COL6A6: variants seen among roughly 807,000 people sequenced by gnomAD.
COL6A6 encodes collagen type VI alpha 6 chain.
In COL6A6, 183 loss-of-function variants were observed where a neutral mutation model predicts 208.6. The observed-to-expected ratio is 0.88, with a 90% CI of 0.78 to 0.99. The LOEUF is 0.99. Ranked by LOEUF, COL6A6 falls within the 50% of genes least tolerant of loss-of-function variation. The probability of loss-of-function intolerance (pLI) is 0.00; values close to 1 mark genes in which losing one functional copy is unlikely to be tolerated. For synonymous variants in COL6A6, 973 were observed against 1,011.8 expected, an observed-to-expected ratio of 0.96 and a Z score of 0.73; for missense variants, 2,816 against 2,815.2, an observed-to-expected ratio of 1.00 and a Z score of -0.01.
chr3:130,581,931 G>T, intron 9 of COL6A6, 27 bp downstream of exon 9: 1 of 1,594,680 alleles, frequency 6.3e-7, no homozygotes, highest in Non-Finnish European at 8.6e-7. Context: ...TTATTTGTTG[G>T]TCTATGATTG....
At chr3:130,613,393 C>T (rs1166224582) in intron 23 of COL6A6, among the ~76,000 whole-genome samples, 1 of 152,150 alleles carries the variant, frequency 6.6e-6, no homozygotes, top group African/African-American at 2.4e-5. Flanking sequence ...TATGCCAGTA[C>T]CATGCTGTTT....
chr3:130,586,470 C>A, intron 10 of COL6A6, 36 bp from the exon 11 acceptor site: 3 of 1,567,748 alleles, frequency 1.9e-6, no homozygotes, highest in African/African-American at 1.4e-5. Context: ...TAACCAAACC[C>A]ACCTCACCTG....
At chr3:130,633,920 G>C (rs2065017751) in intron 26 of COL6A6, among the ~76,000 whole-genome samples, 1 of 37,614 alleles carries the variant, frequency 2.7e-5, no homozygotes, top group Non-Finnish European at 3.7e-5. Flanking sequence ...GGGGAGGGGG[G>C]AGGGATAGCA....
chr3:130,556,253 T>C (rs980844225), intron 1 of COL6A6, among the ~76,000 whole-genome samples: 1 of 152,244 alleles, frequency 6.6e-6, no homozygotes, highest in Non-Finnish European at 1.5e-5. Flanking sequence ...ATGTCTTGTT[T>C]AGGATTTTTT....
intron 29 of COL6A6, 108 bp from the exon 30 acceptor site, chr3:130,642,724 G>C: frequency 1.1e-6 from 1 of 938,036 alleles, no homozygotes; most frequent in Non-Finnish European, 1.6e-6. Flanking sequence ...AATTTAATGA[G>C]AATAAAACTT....
At chr3:130,559,612 C>A (rs557139476) in intron 1 of COL6A6, among the ~76,000 whole-genome samples, 2 of 152,290 alleles carry the variant, frequency 1.3e-5, no homozygotes, top group East Asian at 1.9e-4. Flanking sequence ...ATAAGCCCAA[C>A]CTGCTTCATT....
intron 36 of COL6A6, 82 bp from the exon 37 acceptor site, chr3:130,675,120 A>G: frequency 3.3e-6 from 3 of 900,536 alleles, no homozygotes; most frequent in Non-Finnish European, 4.7e-6. Flanking sequence ...TGAAACAATT[A>G]ATTTACTATG....
intron 20 of COL6A6, among the ~76,000 whole-genome samples, chr3:130,600,900 A>G (rs962691937): frequency 7.2e-5 from 11 of 152,238 alleles, no homozygotes; most frequent in Non-Finnish European, 1.2e-4. Flanking sequence ...GGAAAAAAAA[A>G]GGGGGAAAGA....
chr3:130,533,879 G>A (rs2062163823), intron 1 of COL6A6, among the ~76,000 whole-genome samples: 1 of 152,144 alleles, frequency 6.6e-6, no homozygotes, highest in Non-Finnish European at 1.5e-5. Flanking sequence ...TCCTCTTCAA[G>A]GCATGTAGAT....
intron 35 of COL6A6, among the ~76,000 whole-genome samples, 200 bp downstream of exon 35, chr3:130,662,508 AT>A (rs146981165): frequency 1.9e-4 from 28 of 149,310 alleles, no homozygotes; most frequent in Admixed American, 6.7e-4. Flanking sequence ...TTTCTGGCTT[AT>A]TTTTTTTTTA....
chr3:130,559,807 A>G (rs1050858367), intron 1 of COL6A6, among the ~76,000 whole-genome samples: 1 of 152,186 alleles, frequency 6.6e-6, no homozygotes, highest in African/African-American at 2.4e-5. Flanking sequence ...ATTATATGGA[A>G]TATGGAAAAT....
intron 6 of COL6A6, among the ~76,000 whole-genome samples, chr3:130,569,795 C>A (rs1268506320): frequency 1.3e-5 from 2 of 152,170 alleles, no homozygotes; most frequent in African/African-American, 4.8e-5. Flanking sequence ...GTACAGCCAG[C>A]CTTTCTTGGG....
rs533799270 is a variant in COL6A6, at chr3:130,534,862, T to C, written c.-32+17465T>C. On this transcript the variant is annotated intron_variant, in intron 1 of 36. Coordinates refer to ENST00000358511, the MANE Select transcript of COL6A6 (RefSeq NM_001102608.3). ...AAATCTAGAAGTAGATTTTTTTCTGTTAATGTTTTATTTCACTCTCATTTT... is the reference window on the plus strand; with the variant it reads ...AAATCTAGAAGTAGATTTTTTTCTGCTAATGTTTTATTTCACTCTCATTTT... 6.6e-5 allele frequency among the ~76,000 whole-genome samples: 10 copies of C among 152,304 alleles called. No homozygotes were observed. In the East Asian group the frequency reaches 1.9e-3, roughly 29 times the overall value.
At chr3:130,555,211 C>T (rs1472566724) in intron 1 of COL6A6, among the ~76,000 whole-genome samples, 3 of 152,158 alleles carry the variant, frequency 2.0e-5, no homozygotes, top group Admixed American at 6.5e-5. Flanking sequence ...TTTCCAGTGT[C>T]GATTTTGGGG....
In COL6A6 at chr3:130,581,896, C is replaced by T. The variant is rs200960657; in HGVS notation, c.3883C>T (p.Arg1295Ter). 1,411 of 1,603,576 alleles carry T rather than the reference C, an allele frequency of 8.8e-4. 1 individual carries two copies. The highest frequency in any genetic ancestry group is 1.1e-3 in the Non-Finnish European group (1,316 of 1,173,372). Residue 1295 changes from arginine (R) to a stop codon, truncating the protein, a stop_gained, in exon 9 of 37, where the codon CGA becomes TGA. Coordinates refer to ENST00000358511, the MANE Select transcript of COL6A6 (RefSeq NM_001102608.3). LOFTEE classifies it high-confidence loss of function. The part of the protein sequence containing the change: ...WDTFQNKSAA[R>*]GKVVLLFSDG... The stretch of plus-strand genomic sequence containing the variant: ...TACATTTCAGAATAAATCAGCTGCT[C>T]GAGGAAAGGTAACATGGATTTATCT...
At chr3:130,535,781 C>T (rs937910) in intron 1 of COL6A6, among the ~76,000 whole-genome samples, 118,151 of 152,110 alleles carry the variant, frequency 0.78, 47,095 homozygotes, top group Non-Finnish European at 0.87. Flanking sequence ...TACTCTTCAC[C>T]AGACTTCTAA....
At chr3:130,609,459 G>A (rs1042407693) in intron 22 of COL6A6, among the ~76,000 whole-genome samples, 3 of 152,112 alleles carry the variant, frequency 2.0e-5, no homozygotes, top group African/African-American at 7.2e-5. Flanking sequence ...AGCTACCTCC[G>A]GCACTTTTTC....
intron 4 of COL6A6, among the ~76,000 whole-genome samples, chr3:130,566,098 C>T (rs916199366): frequency 2.0e-5 from 3 of 152,088 alleles, no homozygotes; most frequent in Non-Finnish European, 2.9e-5. Context: ...TAGCATCCAC[C>T]AGTGCAGGGA....
intron 24 of COL6A6, among the ~76,000 whole-genome samples, chr3:130,623,514 C>T (rs1003350266): frequency 6.6e-6 from 1 of 152,166 alleles, no homozygotes; most frequent in Non-Finnish European, 1.5e-5. Context: ...ACAGTTGGTA[C>T]ACTCTTATAG....
Sources: gnomAD v4.1 joint callset for allele counts (sites outside exome capture counted in the v4.1 genomes callset) on GRCh38, gnomAD v4.1.1 for gene constraint, MANE v1.5 for transcripts, NCBI Gene and HGNC (gene_info 2026-07-23, HGNC 2026-07-21) for gene names.